RBM10: variants seen among roughly 807,000 people sequenced by gnomAD.
RBM10 encodes RNA-binding protein 10.
RBM10 carries 1 observed loss-of-function variant against 84.9 expected under a neutral mutation model. The observed-to-expected ratio is 0.01, with a 90% CI of 0.00 to 0.06. RBM10 has a LOEUF of 0.06. Among genes scored for constraint, RBM10 ranks in the 10% least tolerant of loss-of-function variants. The probability of loss-of-function intolerance (pLI) is 1.00; values close to 1 mark genes in which losing one functional copy is unlikely to be tolerated. For missense variants in RBM10, 438 were observed against 839.0 expected (o/e 0.52, Z 5.90); for synonymous variants, 326 against 344.5 (o/e 0.95, Z 0.60).
chrX:47,185,867 A>C (rs1212711850), intron 21 of RBM10, 77 bp downstream of exon 21: 5 of 1,185,513 alleles, frequency 4.2e-6, no homozygotes, highest in Non-Finnish European at 4.5e-6. Flanking sequence ...GCTGGAGTTC[A>C]ATTTCTCACG....
intron 17 of RBM10, among the ~76,000 whole-genome samples, chrX:47,182,654 C>T (rs1164947940): frequency 1.8e-5 from 2 of 112,507 alleles, no homozygotes; most frequent in Non-Finnish European, 3.8e-5. Context: ...GAGAAATTCT[C>T]ACAGGCCATA....
chrX:47,167,067 G>A (rs182040205), intron 2 of RBM10, among the ~76,000 whole-genome samples: 14 of 110,609 alleles, frequency 1.3e-4, no homozygotes, highest in African/African-American at 3.9e-4. Context: ...GAGCCACCGC[G>A]CCCGGCAAAA....
At chrX:47,151,185 C>T (rs945011270) in intron 2 of RBM10, among the ~76,000 whole-genome samples, 4 of 110,038 alleles carry the variant, frequency 3.6e-5, no homozygotes, top group Non-Finnish European at 3.8e-5. Flanking sequence ...ACTACAGGCA[C>T]GCACCACCAC....
intron 2 of RBM10, among the ~76,000 whole-genome samples, chrX:47,155,383 T>C (rs1276805882): frequency 9.0e-6 from 1 of 110,902 alleles, no homozygotes; most frequent in African/African-American, 3.3e-5. Flanking sequence ...TTACTTATCT[T>C]TATGGTGTTT....
intron 17 of RBM10, 100 bp downstream of exon 17, chrX:47,182,426 G>A: frequency 9.1e-7 from 1 of 1,103,951 alleles, no homozygotes; most frequent in South Asian, 2.0e-5. Flanking sequence ...GAGATGGCGG[G>A]CAGGTGTGGA....
At chrX:47,176,213 C>T (rs1935135049) in intron 6 of RBM10, among the ~76,000 whole-genome samples, 1 of 110,025 alleles carries the variant, frequency 9.1e-6, no homozygotes, top group African/African-American at 3.3e-5. Flanking sequence ...GTGGGGGTTT[C>T]TCCCCACTGT....
intron 2 of RBM10, among the ~76,000 whole-genome samples, chrX:47,150,854 C>T (rs1932763098): frequency 8.9e-6 from 1 of 111,868 alleles, no homozygotes; most frequent in South Asian, 3.7e-4. Context: ...TCAAAAACAA[C>T]AAGAATTTTG....
In RBM10 at chrX:47,171,153, C is replaced by A. The variant is rs1556772892; in HGVS notation, c.327C>A (p.Thr109=). The A allele has an allele frequency of 8.3e-7, 1 of 1,209,601 alleles. No homozygotes were observed. The highest frequency in any genetic ancestry group is 1.1e-6 in the Non-Finnish European group (1 of 894,722). ...DGDYRDQDYR[T]EQGEEEEEEE... is the part of the protein sequence containing the mutation. Reference sequence around the variant, plus strand: ...ACTATCGGGACCAGGACTATCGGACCGAGCAAGGGGAGGAGGAGGAGGAGG... The same window carrying A: ...ACTATCGGGACCAGGACTATCGGACAGAGCAAGGGGAGGAGGAGGAGGAGG... Residue 109 remains threonine (T), a synonymous_variant, in exon 4 of 24, where the codon ACC becomes ACA. Coordinates refer to ENST00000377604, the MANE Select transcript of RBM10 (RefSeq NM_005676.5).
In RBM10 at chrX:47,181,559, C is replaced by T. The variant is rs782804463; in HGVS notation, c.1488C>T (p.Phe496=). 1.7e-6 allele frequency: 2 copies of T among 1,210,789 alleles called. No homozygotes were observed. Among genetic ancestry groups the T allele is most frequent in the Admixed American group, 2.2e-5 (1 of 46,069 alleles). The change falls in exon 14 of 24, where the codon TTC becomes TTT. Residue 496 remains phenylalanine (F), a synonymous_variant. Coordinates refer to ENST00000377604, the MANE Select transcript of RBM10 (RefSeq NM_005676.5). ...CCGACTCTGTGTCGATGCAGGCTTT[C>T]TCTCGCGCCCAGCCTGGTGCTGCTC... is the stretch of plus-strand genomic sequence containing the variant. ...PGADSVSMQA[F]SRAQPGAAPG... is the part of the protein sequence containing the mutation.
In RBM10 at chrX:47,147,418, G is replaced by C. The variant is rs1556762443; in HGVS notation, c.-64G>C. 8.3e-7 allele frequency: 1 copy of C among 1,209,645 alleles called. No homozygotes were observed. On this transcript the variant is annotated 5_prime_UTR_variant, in exon 2 of 24. Coordinates refer to ENST00000377604, the MANE Select transcript of RBM10 (RefSeq NM_005676.5). ...ATGGTAGCAGCAGCGGGGGTGGCTGGGAAGTGAAACGGAGCCAGCGGCTGA... is the reference window on the plus strand; with the variant it reads ...ATGGTAGCAGCAGCGGGGGTGGCTGCGAAGTGAAACGGAGCCAGCGGCTGA...
At chrX:47,155,812 C>CTT (rs1304134924) in intron 2 of RBM10, among the ~76,000 whole-genome samples, 3 of 80,862 alleles carry the variant, frequency 3.7e-5, no homozygotes, top group Admixed American at 1.4e-4. Flanking sequence ...TTCTTTCTTT[C>CTT]TTTTTTTTTT....
At chrX:47,182,731 GTC>G (rs782668583) in intron 17 of RBM10, among the ~76,000 whole-genome samples, 19 of 112,786 alleles carry the variant, frequency 1.7e-4, no homozygotes, top group Non-Finnish European at 2.3e-4. Context: ...GCACCTCAGT[GTC>G]TCTCTGTGGA....
At chrX:47,161,533 T>G (rs868943596) in intron 2 of RBM10, among the ~76,000 whole-genome samples, 3 of 36,668 alleles carry the variant, frequency 8.2e-5, no homozygotes, top group African/African-American at 1.4e-4. Context: ...TTTTTTTTTT[T>G]AGTGAGAGAG....
chrX:47,175,702 G>A (rs957040183), intron 6 of RBM10, among the ~76,000 whole-genome samples: 1 of 110,848 alleles, frequency 9.0e-6, no homozygotes, highest in Non-Finnish European at 1.9e-5. Context: ...CTCCACACTC[G>A]CAGGAGGCAC....
chrX:47,156,449 G>A (rs1270969007), intron 2 of RBM10, among the ~76,000 whole-genome samples: 2 of 110,915 alleles, frequency 1.8e-5, no homozygotes, highest in Non-Finnish European at 3.8e-5. Context: ...TTTTCCTAAC[G>A]CTGGACCACT....
At chrX:47,169,649 C>T in intron 3 of RBM10, 151 bp downstream of exon 3, 1 of 567,414 alleles carries the variant, frequency 1.8e-6, no homozygotes, top group Non-Finnish European at 2.8e-6. Flanking sequence ...GGCCTGTTCC[C>T]ACTCCCCTCT....
intron 2 of RBM10, among the ~76,000 whole-genome samples, chrX:47,151,219 C>T (rs1360279670): frequency 2.7e-5 from 3 of 110,836 alleles, no homozygotes; most frequent in South Asian, 3.8e-4. Context: ...TTTGTAGAGA[C>T]GGAGTTTCAC....
chrX:47,166,015 A>G (rs1490253897), intron 2 of RBM10, among the ~76,000 whole-genome samples: 1 of 110,463 alleles, frequency 9.1e-6, no homozygotes, highest in Non-Finnish European at 1.9e-5. Flanking sequence ...GCGAGACTCC[A>G]TCTCAAAATT....
rs1412049277 is a variant in RBM10 at position 47,186,455 on chromosome X, G to A, written c.2668-19G>A. 1 of 1,203,186 alleles carries A rather than the reference G, an allele frequency of 8.3e-7. No homozygotes were observed. The highest frequency in any genetic ancestry group is 1.1e-6 in the Non-Finnish European group (1 of 891,190). ...CAGCATCCCCCACCAGCCTGACAGA[G>A]CCTGCCTCCCTCACACAGGCCCAAA... On this transcript the variant is annotated intron_variant, in intron 23 of 23. Transcript: ENST00000377604.
Sources: gnomAD v4.1 joint callset for allele counts (sites outside exome capture counted in the v4.1 genomes callset) on GRCh38, gnomAD v4.1.1 for gene constraint, MANE v1.5 for transcripts, NCBI Gene and HGNC (gene_info 2026-07-23, HGNC 2026-07-21) for gene names.